DAPK2: variants seen among roughly 807,000 people sequenced by gnomAD.
DAPK2 encodes death-associated protein kinase 2.
DAPK2 carries 35 observed loss-of-function variants against 44.1 expected under a neutral mutation model. The observed-to-expected ratio is 0.79, with a 90% CI of 0.61 to 1.05. The LOEUF (loss-of-function observed/expected upper bound fraction) is 1.05. DAPK2 is among the 50% of genes least tolerant of loss of function. The probability of loss-of-function intolerance (pLI) is 0.00; values close to 1 mark genes in which losing one functional copy is unlikely to be tolerated. For missense variants in DAPK2, 453 were observed against 483.2 expected (o/e 0.94, Z 0.59); for synonymous variants, 174 against 182.6 (o/e 0.95, Z 0.38).
At chr15:64,012,639 C>A (rs941901028) in intron 1 of DAPK2, among the ~76,000 whole-genome samples, 2 of 152,170 alleles carry the variant, frequency 1.3e-5, no homozygotes, top group Admixed American at 1.3e-4. Context: ...AGTTACAGAA[C>A]AACATTCTGA....
chr15:64,007,347 T>C (rs1016444059), intron 1 of DAPK2, among the ~76,000 whole-genome samples: 2 of 152,104 alleles, frequency 1.3e-5, no homozygotes, highest in African/African-American at 2.4e-5. Flanking sequence ...CAGCCTGTTT[T>C]CTGGCCCCCA....
chr15:63,976,095 G>T (rs2078338695), intron 2 of DAPK2, among the ~76,000 whole-genome samples: 1 of 152,156 alleles, frequency 6.6e-6, no homozygotes, highest in South Asian at 2.1e-4. Context: ...GACATAGAAA[G>T]TACACAGCAA....
intron 3 of DAPK2, among the ~76,000 whole-genome samples, chr15:63,955,984 G>C (rs1415506071): frequency 6.6e-6 from 1 of 152,156 alleles, no homozygotes; most frequent in Non-Finnish European, 1.5e-5. Context: ...CTTGTTATTG[G>C]TGTGCAGGTT....
chr15:63,950,040 C>T (rs1192362035), intron 3 of DAPK2, among the ~76,000 whole-genome samples: 6 of 152,174 alleles, frequency 3.9e-5, no homozygotes, highest in African/African-American at 1.4e-4. Flanking sequence ...ACAGTCTCAT[C>T]CTAACAGATC....
intron 3 of DAPK2, among the ~76,000 whole-genome samples, chr15:63,941,730 T>G (rs1475256890): frequency 6.6e-6 from 1 of 152,200 alleles, no homozygotes; most frequent in Non-Finnish European, 1.5e-5. Flanking sequence ...TTTGAAAATG[T>G]GTCCAAGTCT....
chr15:63,947,907 C>A (rs557409072), intron 3 of DAPK2, among the ~76,000 whole-genome samples: 1 of 152,174 alleles, frequency 6.6e-6, no homozygotes, highest in Non-Finnish European at 1.5e-5. Context: ...TAGCACCAAC[C>A]ACCACCAAGA....
chr15:64,007,798 C>T (rs1180025720), intron 1 of DAPK2, among the ~76,000 whole-genome samples: 4 of 152,070 alleles, frequency 2.6e-5, no homozygotes, highest in Non-Finnish European at 5.9e-5. Context: ...AATAGATGAA[C>T]AAAAGGTGGT....
chr15:63,946,753 C>G (rs780966671), intron 3 of DAPK2, among the ~76,000 whole-genome samples: 1 of 152,192 alleles, frequency 6.6e-6, no homozygotes, highest in Non-Finnish European at 1.5e-5. Flanking sequence ...TGTGGCCTGC[C>G]TGCTGCTGAG....
chr15:64,021,148 G>C (rs2079670591), intron 1 of DAPK2, among the ~76,000 whole-genome samples: 1 of 152,124 alleles, frequency 6.6e-6, no homozygotes, highest in East Asian at 1.9e-4. Context: ...ACCCACAAGG[G>C]GAAGCCCTGG....
chr15:63,925,588 A>G (rs1054003860), intron 7 of DAPK2, among the ~76,000 whole-genome samples: 1 of 151,664 alleles, frequency 6.6e-6, no homozygotes, highest in African/African-American at 2.4e-5. Flanking sequence ...AAACCCTGCC[A>G]CTTAAACTTT....
At chr15:63,948,561 C>A (rs1221593336) in intron 3 of DAPK2, among the ~76,000 whole-genome samples, 1 of 152,048 alleles carries the variant, frequency 6.6e-6, no homozygotes, top group Non-Finnish European at 1.5e-5. Flanking sequence ...AGTCACCTCC[C>A]AACAGGCCCC....
At position 63,991,427 on chromosome 15, in the gene DAPK2, G is replaced by A. The variant is rs1284497766; in HGVS notation, c.93-7673C>T. The A allele has an allele frequency of 2.3e-5, 10 of 426,892 alleles. 1 individual carries two copies. The East Asian group carries it at 2.8e-4, about 12-fold the overall frequency. 26.4% of individuals were successfully genotyped at this position (426,892 alleles called of 1,614,324 possible). A position where few individuals can be genotyped will look rare whatever the true frequency, so the allele number is the denominator to read the frequency against. On this transcript the variant is annotated intron_variant, in intron 1 of 10. Transcript: ENST00000261891. ...TAATGACCCAGGCCCCTCGTTTCAT[G>A]AGCCTGTTTCCCCTCCCTGACCTTG...
At chr15:63,983,407 T>G in intron 2 of DAPK2, 126 bp downstream of exon 3, 1 of 792,224 alleles carries the variant, frequency 1.3e-6, no homozygotes, top group East Asian at 2.6e-5. Flanking sequence ...CACCACTGAC[T>G]TCACCTCCTC....
chr15:63,978,727 C>T (rs2078422373), intron 2 of DAPK2, among the ~76,000 whole-genome samples: 1 of 152,168 alleles, frequency 6.6e-6, no homozygotes, highest in Non-Finnish European at 1.5e-5. Context: ...CACCCCCCAT[C>T]TCCTTCCAAG....
At chr15:63,944,985 T>G (rs1365146838) in intron 3 of DAPK2, among the ~76,000 whole-genome samples, 1 of 152,204 alleles carries the variant, frequency 6.6e-6, no homozygotes, top group Non-Finnish European at 1.5e-5. Flanking sequence ...CCTCTTCATT[T>G]TCAGAGCCTC....
chr15:64,025,162 G>A (rs2079802851), intron 1 of DAPK2, among the ~76,000 whole-genome samples: 1 of 152,154 alleles, frequency 6.6e-6, no homozygotes, highest in Non-Finnish European at 1.5e-5. Flanking sequence ...CACTGGACCA[G>A]GATTCAGAAG....
At chr15:64,011,688 A>T (rs1201600479) in intron 1 of DAPK2, among the ~76,000 whole-genome samples, 10 of 152,222 alleles carry the variant, frequency 6.6e-5, no homozygotes, top group African/African-American at 1.4e-4. Context: ...TACAACTGAG[A>T]AACTAATTTG....
chr15:63,940,398 C>A (rs534848623), intron 3 of DAPK2, among the ~76,000 whole-genome samples: 134 of 151,436 alleles, frequency 8.8e-4, no homozygotes, highest in African/African-American at 3.2e-3. Flanking sequence ...AGGAATGAAG[C>A]CAAAGAAAAA....
At chr15:63,971,462 G>A in exon 3 of DAPK2, 1 of 1,614,192 alleles carries the variant, frequency 6.2e-7, no homozygotes, top group Non-Finnish European at 8.5e-7. Context: ...TGTGAAGGTA[G>A]TTCACCCCAT....
Sources: gnomAD v4.1 joint callset for allele counts (sites outside exome capture counted in the v4.1 genomes callset) on GRCh38, gnomAD v4.1.1 for gene constraint, MANE v1.5 for transcripts, NCBI Gene and HGNC (gene_info 2026-07-23, HGNC 2026-07-21) for gene names.